Variants in KIAA1328 observed in about 807,000 individuals in gnomAD.
The protein encoded by KIAA1328 is protein hinderin.
A neutral mutation model predicts 68.1 loss-of-function variants in KIAA1328; 52 were observed. The observed-to-expected ratio is 0.76, with a 90% confidence interval of 0.61 to 0.96. The LOEUF is 0.96. Among genes scored for constraint, KIAA1328 ranks in the 40% least tolerant of loss-of-function variants. The pLI is 0.00. For missense variants in KIAA1328, 641 were observed against 677.6 expected, an observed-to-expected ratio of 0.95 and a Z score of 0.60; for synonymous variants, 232 against 239.4, an observed-to-expected ratio of 0.97 and a Z score of 0.28.
intron 9 of KIAA1328, 54 bp from the exon 10 acceptor site, chr18:37,221,963 A>C (rs1023885300): frequency 3.9e-6 from 6 of 1,553,038 alleles, no homozygotes; most frequent in Non-Finnish European, 5.3e-6. Context: ...GGCTTCTTGA[A>C]TTCTCATTTT....
chr18:37,224,265 C>T lies in KIAA1328; in HGVS notation c.*2038C>T. The T allele has an allele frequency of 1.0e-6, 1 of 985,430 alleles. No homozygotes were observed. Among genetic ancestry groups the T allele is most frequent in the Non-Finnish European group, 1.2e-6 (1 of 829,934 alleles). 61.0% of individuals were successfully genotyped at this position (985,430 alleles called of 1,614,324 possible). ...TGCCAGAGGATCAAGAAAAGGATCA[C>T]AGTTTCTTGAAGAAGCTTGTTTGCC... On this transcript the variant is annotated 3_prime_UTR_variant, in exon 10 of 10. Transcript: ENST00000280020.
chr18:37,131,860 A>T (rs323307), intron 7 of KIAA1328, among the ~76,000 whole-genome samples: 15,586 of 152,168 alleles, frequency 0.1, 2,698 homozygotes, highest in African/African-American at 0.35. Context: ...GAGGCTTTTC[A>T]TACTGTTGGA....
At position 36,920,031 on chromosome 18, in the gene KIAA1328, C is replaced by T. The variant is rs563192549; in HGVS notation, c.448+34359C>T. On this transcript the variant is annotated intron_variant, in intron 5 of 9. Coordinates refer to ENST00000280020, the MANE Select transcript of KIAA1328 (RefSeq NM_020776.3). The stretch of plus-strand genomic sequence containing the variant: ...ACCCGTTCTGTAGGTTATTTATTTA[C>T]TCTGTTGATAGTTTCTTTTGCTGGG... Among the ~76,000 whole-genome samples, 3 of 152,214 alleles carry T rather than the reference C, an allele frequency of 2.0e-5. No homozygotes were observed. The South Asian group carries it at 6.2e-4, about 32-fold the overall frequency.
At chr18:37,089,940 G>A (rs954692012) in intron 7 of KIAA1328, among the ~76,000 whole-genome samples, 11 of 152,150 alleles carry the variant, frequency 7.2e-5, no homozygotes, top group African/African-American at 2.4e-4. Flanking sequence ...CATCTTTCAT[G>A]TGATAATTAT....
intron 4 of KIAA1328, among the ~76,000 whole-genome samples, chr18:36,855,159 T>C (rs1223003914): frequency 1.3e-5 from 2 of 152,186 alleles, no homozygotes; most frequent in East Asian, 3.9e-4. Context: ...CAAATTCCTT[T>C]GGGTATACAA....
intron 6 of KIAA1328, among the ~76,000 whole-genome samples, chr18:37,049,209 T>C (rs2055595409): frequency 6.6e-6 from 1 of 152,140 alleles, no homozygotes; most frequent in African/African-American, 2.4e-5. Flanking sequence ...AACACTTAAC[T>C]GTCATGGAAC....
intron 9 of KIAA1328, among the ~76,000 whole-genome samples, chr18:37,201,398 G>A (rs566916036): frequency 6.6e-6 from 1 of 152,176 alleles, no homozygotes; most frequent in Non-Finnish European, 1.5e-5. Context: ...TCAGGATTCA[G>A]TCTAAATTGT....
At chr18:36,900,785 T>C (rs1444587959) in intron 5 of KIAA1328, among the ~76,000 whole-genome samples, 1 of 152,020 alleles carries the variant, frequency 6.6e-6, no homozygotes, top group Non-Finnish European at 1.5e-5. Flanking sequence ...TTAAATTTTA[T>C]GCTAATGTGC....
chr18:36,876,557 TTC>T (rs150110181), intron 4 of KIAA1328, among the ~76,000 whole-genome samples: 2,709 of 152,290 alleles, frequency 0.018, 51 homozygotes, highest in Non-Finnish European at 0.023. Flanking sequence ...TATTTCATTC[TTC>T]TCTCTTTTCT....
chr18:37,110,503 ATTT>A, intron 7 of KIAA1328, among the ~76,000 whole-genome samples: 1 of 152,234 alleles, frequency 6.6e-6, no homozygotes, highest in Non-Finnish European at 1.5e-5. Context: ...AGGATATAAA[ATTT>A]TTGATGCCAT....
intron 6 of KIAA1328, among the ~76,000 whole-genome samples, chr18:36,961,257 G>T (rs2051656270): frequency 1.3e-5 from 2 of 152,110 alleles, no homozygotes; most frequent in South Asian, 4.1e-4. Flanking sequence ...GAGAAGACAA[G>T]CTTAGAGAAA....
chr18:37,060,098 G>A (rs1190953858), intron 6 of KIAA1328, among the ~76,000 whole-genome samples: 1 of 152,030 alleles, frequency 6.6e-6, no homozygotes, highest in African/African-American at 2.4e-5. Context: ...CATGGCACAT[G>A]TATACCTATG....
At chr18:36,992,497 A>G (rs1231563451) in intron 6 of KIAA1328, among the ~76,000 whole-genome samples, 2 of 114,704 alleles carry the variant, frequency 1.7e-5, no homozygotes, top group South Asian at 4.7e-4. Flanking sequence ...GCCTTTCTTT[A>G]TACGATACTT....
chr18:37,139,242 C>A (rs2058715192), intron 7 of KIAA1328, among the ~76,000 whole-genome samples: 1 of 152,144 alleles, frequency 6.6e-6, no homozygotes, highest in Admixed American at 6.5e-5. Context: ...GGATTACAGG[C>A]ATGAGCCACC....
At chr18:37,114,503 T>G (rs973677542) in intron 7 of KIAA1328, among the ~76,000 whole-genome samples, 1 of 152,152 alleles carries the variant, frequency 6.6e-6, no homozygotes, top group African/African-American at 2.4e-5. Context: ...GGGACACATT[T>G]AAAGCAGTGT....
At chr18:37,161,154 C>T (rs2059270152) in intron 8 of KIAA1328, among the ~76,000 whole-genome samples, 1 of 152,158 alleles carries the variant, frequency 6.6e-6, no homozygotes, top group South Asian at 2.1e-4. Context: ...AAACCATTAA[C>T]CCAGATTTCC....
At chr18:36,842,759 A>G (rs1392557142) in intron 3 of KIAA1328, among the ~76,000 whole-genome samples, 1 of 150,038 alleles carries the variant, frequency 6.7e-6, no homozygotes, top group Non-Finnish European at 1.5e-5. Flanking sequence ...TTCATGGGTT[A>G]TCAGCAACTT....
At chr18:36,971,015 A>T (rs1357696820) in intron 6 of KIAA1328, among the ~76,000 whole-genome samples, 1 of 152,244 alleles carries the variant, frequency 6.6e-6, no homozygotes, top group African/African-American at 2.4e-5. Flanking sequence ...CAAAAAGAGC[A>T]AAGCTGGAGG....
At chr18:36,879,434 G>A (rs1333260892) in intron 4 of KIAA1328, among the ~76,000 whole-genome samples, 1 of 152,124 alleles carries the variant, frequency 6.6e-6, no homozygotes, top group Non-Finnish European at 1.5e-5. Context: ...GCCAGTCGGA[G>A]CTCTCCTATA....
Sources: gnomAD v4.1 joint callset for allele counts (sites outside exome capture counted in the v4.1 genomes callset) on GRCh38, gnomAD v4.1.1 for gene constraint, MANE v1.5 for transcripts, NCBI Gene and HGNC (gene_info 2026-07-23, HGNC 2026-07-21) for gene names.